DNAJC18: variants seen among roughly 807,000 people sequenced by gnomAD.
DNAJC18 encodes the protein dnaJ homolog subfamily C member 18.
In DNAJC18, 40 loss-of-function variants were observed where a neutral mutation model predicts 48.6. The ratio of observed to expected loss-of-function variants is 0.82; its 90% CI spans 0.64 to 1.07. DNAJC18 has a LOEUF of 1.07. Ranked by LOEUF, DNAJC18 falls within the 50% of genes least tolerant of loss-of-function variation. DNAJC18 has a pLI of 0.00. For missense variants in DNAJC18, 340 were observed against 427.7 expected (o/e 0.79, Z 1.81); for synonymous variants, 135 against 152.2 (o/e 0.89, Z 0.83).
At position 139,412,492 on chromosome 5, in the gene DNAJC18, C is replaced by G. The variant is rs1159745638; in HGVS notation, c.*1656G>C. The G allele has an allele frequency of 2.7e-6, 1 of 370,242 alleles. No individual in the cohort carries two copies. The highest frequency in any genetic ancestry group is 2.1e-5 in the African/African-American group (1 of 47,976). The allele number at this position is 370,242 out of a possible 1,614,324, so 22.9% of individuals were successfully genotyped here. On this transcript the variant is annotated 3_prime_UTR_variant, in exon 8 of 8. Transcript: ENST00000302060. ...GCCAGGCTGGTCTTGAACTCCTGAC[C>G]TCAGGTGATCCACCTGCCACAGCCT...
chr5:139,425,170 C>CT (rs560129045), intron 4 of DNAJC18, 56 bp from the exon 5 acceptor site: 27,523 of 1,225,564 alleles, frequency 0.022, no homozygotes, highest in East Asian at 0.029. Context: ...CTGCCTTTTT[C>CT]TTTTTTTTTT....
At chr5:139,423,293 T>A (rs1759183290) in intron 5 of DNAJC18, among the ~76,000 whole-genome samples, 1 of 152,076 alleles carries the variant, frequency 6.6e-6, no homozygotes, top group African/African-American at 2.4e-5. Flanking sequence ...GCAGTCCTAA[T>A]CAGAAAATTC....
rs1759127046 is a variant in DNAJC18 at position 139,420,072 on chromosome 5, A to G, written c.933T>C (p.Cys311=). ...KDYIDYIQTS[C]WKEKQQKSEL... is the part of the protein sequence containing the mutation. ...TCTTACTTTGTTGTTTCTCCTTCCA[A>G]CAACTAGTCTGGATATAATCAATGT... The change falls in exon 7 of 8, where the codon TGT becomes TGC. Residue 311 remains cysteine, a synonymous_variant. Transcript: ENST00000302060. The G allele has an allele frequency of 6.4e-7, 1 of 1,572,962 alleles. No individual in the cohort carries two copies. Among genetic ancestry groups the G allele is most frequent in the African/African-American group, 1.4e-5 (1 of 72,104 alleles).
Position 139,413,115 on chromosome 5 carries a change from T to C in DNAJC18, c.*1033A>G. The C allele has an allele frequency of 2.6e-6, 1 of 391,132 alleles. No individual in the cohort carries two copies. Among genetic ancestry groups the C allele is most frequent in the Non-Finnish European group, 4.5e-6 (1 of 221,860 alleles). 24.2% of individuals were successfully genotyped at this position (391,132 alleles called of 1,614,324 possible). ...AGAAAATATGTGTGAGAGCCCCTGC[T>C]TTTATAGTAGGCACTCAATAAATGT... On this transcript the variant is annotated 3_prime_UTR_variant, in exon 8 of 8. Transcript: ENST00000302060.
chr5:139,422,019 T>G (rs1221106390), intron 6 of DNAJC18, among the ~76,000 whole-genome samples: 2 of 152,168 alleles, frequency 1.3e-5, no homozygotes, highest in Non-Finnish European at 2.9e-5. Context: ...ATTCTCAAAC[T>G]TCAGTGTGGA....
chr5:139,422,811 A>C lies in DNAJC18; in HGVS notation c.676T>G (p.Tyr226Asp), dbSNP rs1353510212. Residue 226 changes from tyrosine to aspartate, a missense_variant, in exon 6 of 8, where the codon TAT becomes GAT. Physicochemically the swap from Tyr to Asp is radical, Grantham distance 160 (BLOSUM62 -3). Coordinates refer to ENST00000302060, the MANE Select transcript of DNAJC18 (RefSeq NM_152686.4). ...GGAAGTAGCTGAATAAATGCAGAAT[A>C]TGTAGTCTGAAAAAGAAAAAAAAAT... is the stretch of plus-strand genomic sequence containing the variant. ...EEEEEKPQTT[Y>D]SAFIQLLPVL... 7.6e-6 allele frequency: 12 copies of C among 1,576,270 alleles called. No individual in the cohort carries two copies. The East Asian group carries it at 2.5e-4, about 32-fold the overall frequency.
chr5:139,420,362 T>A (rs1759134244), intron 6 of DNAJC18, 137 bp from the exon 7 acceptor site: 1 of 825,154 alleles, frequency 1.2e-6, no homozygotes, highest in African/African-American at 1.8e-5. Context: ...TACCCAACAC[T>A]TCTTATTTCC....
chr5:139,439,264 C>T lies in DNAJC18; in HGVS notation c.40+142G>A. 1 of 1,376,230 alleles carries T rather than the reference C, an allele frequency of 7.3e-7. No homozygotes were observed. The highest frequency in any genetic ancestry group is 1.4e-5 in the African/African-American group (1 of 69,792). 85.3% of individuals were successfully genotyped at this position (1,376,230 alleles called of 1,614,324 possible). On this transcript the variant is annotated intron_variant, in intron 1 of 7. Transcript: ENST00000302060. The surrounding 1 kb of genome is among the most constrained non-coding windows in gnomAD (Gnocchi z 4.1). ...CCAGCTTCCCTACCCCATCCGCAAC[C>T]CTACTCAGGCTCAGCATCTTTTCAC...
At chr5:139,433,601 G>T (rs1759364999) in intron 2 of DNAJC18, among the ~76,000 whole-genome samples, 2 of 152,112 alleles carry the variant, frequency 1.3e-5, no homozygotes, top group African/African-American at 4.8e-5. Context: ...CAAAATAACA[G>T]GAGCTAACTA....
At chr5:139,425,425 A>G (rs982123940) in intron 4 of DNAJC18, among the ~76,000 whole-genome samples, 1 of 152,174 alleles carries the variant, frequency 6.6e-6, no homozygotes, top group Non-Finnish European at 1.5e-5. Context: ...TGGCCTCCCA[A>G]AGTGTTGGGA....
intron 2 of DNAJC18, among the ~76,000 whole-genome samples, chr5:139,430,475 G>A (rs1178002519): frequency 1.3e-5 from 2 of 152,064 alleles, no homozygotes; most frequent in Non-Finnish European, 2.9e-5. Context: ...TCTGAAATGG[G>A]CTAATAATTA....
intron 2 of DNAJC18, among the ~76,000 whole-genome samples, chr5:139,435,087 G>A (rs1416408090): frequency 4.0e-5 from 6 of 151,658 alleles, no homozygotes; most frequent in Admixed American, 1.3e-4. Flanking sequence ...GGGGCTGGGC[G>A]CAGTGGCTCA....
intron 4 of DNAJC18, 150 bp downstream of exon 4, chr5:139,426,022 G>A: frequency 1.2e-6 from 1 of 846,740 alleles, no homozygotes; most frequent in Non-Finnish European, 1.8e-6. Context: ...CTGGGGGCTG[G>A]AGACTTGCCT....
At chr5:139,435,318 A>C (rs570216552) in intron 2 of DNAJC18, among the ~76,000 whole-genome samples, 1 of 151,884 alleles carries the variant, frequency 6.6e-6, no homozygotes, top group African/African-American at 2.4e-5. Flanking sequence ...GTGGCATTGC[A>C]CTCCAGCCTG....
intron 7 of DNAJC18, among the ~76,000 whole-genome samples, chr5:139,417,278 T>C (rs1176575310): frequency 6.6e-6 from 1 of 152,086 alleles, no homozygotes; most frequent in Non-Finnish European, 1.5e-5. Flanking sequence ...ATTTAAAAAG[T>C]CAATGGCTAA....
chr5:139,417,845 A>G (rs1759092999), intron 7 of DNAJC18, among the ~76,000 whole-genome samples: 1 of 152,096 alleles, frequency 6.6e-6, no homozygotes, highest in African/African-American at 2.4e-5. Flanking sequence ...AAGTGCTGGG[A>G]TTACAGGCAT....
At chr5:139,426,478 G>A (rs1759245625) in intron 3 of DNAJC18, 121 bp from the exon 4 acceptor site, 2 of 1,218,832 alleles carry the variant, frequency 1.6e-6, no homozygotes, top group East Asian at 2.4e-5. Context: ...AGGGGCCCAA[G>A]AAGAGATGCT....
chr5:139,424,936 A>C, intron 5 of DNAJC18, 69 bp downstream of exon 5: 1 of 1,300,188 alleles, frequency 7.7e-7, no homozygotes, highest in Non-Finnish European at 1.1e-6. Context: ...CTAAAACTTG[A>C]CCATGTACCA....
intron 7 of DNAJC18, among the ~76,000 whole-genome samples, chr5:139,414,509 CTGGACTTAGTTCTTACCAAGAAAACAT>C (rs769438072): frequency 6.6e-5 from 10 of 152,250 alleles, no homozygotes; most frequent in Non-Finnish European, 1.5e-4. Flanking sequence ...TATAAAAGCA[CTGGACTTAGTTCTTACCAAGAAAACAT>C]TTGGCACCAG....
Sources: gnomAD v4.1 joint callset for allele counts (sites outside exome capture counted in the v4.1 genomes callset) on GRCh38, gnomAD v4.1.1 for gene constraint, Gnocchi (gnomAD v3.1) non-coding constraint, MANE v1.5 for transcripts, NCBI Gene and HGNC (gene_info 2026-07-23, HGNC 2026-07-21) for gene names.